Variants in NCOA6 observed in about 807,000 individuals in gnomAD.
NCOA6 encodes nuclear receptor coactivator 6.
A neutral mutation model predicts 171.4 loss-of-function variants in NCOA6; 49 were observed. The ratio of observed to expected loss-of-function variants is 0.29; its 90% CI spans 0.23 to 0.36. NCOA6 has a LOEUF of 0.36. Ranked by LOEUF, NCOA6 falls within the 10% of genes least tolerant of loss-of-function variation. The pLI, the probability that NCOA6 is intolerant of heterozygous loss-of-function variation, is 1.00. For synonymous variants in NCOA6, 910 were observed against 927.5 expected (o/e 0.98, Z 0.34); for missense variants, 2,248 against 2,554.5 (o/e 0.88, Z 2.59).
intron 2 of NCOA6, among the ~76,000 whole-genome samples, chr20:34,791,879 G>A (rs887520932): frequency 1.3e-5 from 2 of 152,130 alleles, no homozygotes; most frequent in African/African-American, 2.4e-5. Flanking sequence ...CTTCTCATGG[G>A]CTTATGAAGC....
intron 1 of NCOA6, among the ~76,000 whole-genome samples, chr20:34,808,162 A>G (rs1444136169): frequency 6.6e-6 from 1 of 151,724 alleles, no homozygotes; most frequent in Non-Finnish European, 1.5e-5. Context: ...AAGAAAAAAA[A>G]AAAAGAAACA....
rs1469853660 is a variant in NCOA6 at position 34,736,537 on chromosome 20, G to A, written c.5962+153C>T. Among the ~76,000 whole-genome samples the A allele has an allele frequency of 2.6e-5, 4 of 152,202 alleles. No homozygotes were observed. The East Asian group carries it at 7.7e-4, about 29-fold the overall frequency. ...AATAATCTCAAGTAGAACTGCACAA[G>A]CTTTGTCACTCAACCAAAGTCTGCT... is the stretch of plus-strand genomic sequence containing the variant. On this transcript the variant is annotated intron_variant, in intron 12 of 14. Transcript: ENST00000359003.
At chr20:34,806,933 G>A (rs1389417715) in intron 1 of NCOA6, among the ~76,000 whole-genome samples, 2 of 152,168 alleles carry the variant, frequency 1.3e-5, no homozygotes, top group Non-Finnish European at 2.9e-5. Context: ...TTTTTCTAAA[G>A]AAGTCTGTGG....
chr20:34,758,073 A>G lies in NCOA6; in HGVS notation c.675T>C (p.His225=), dbSNP rs143765973. ...DAMDPLLSGL[H]IQQQSHPSGS... is the part of the protein sequence containing the mutation. ...CTGAGGGATGACTTTGCTGCTGTAT[A>G]TGGAGCCCAGAGAGGAGTGGATCCA... The change falls in exon 7 of 15, where the codon CAT becomes CAC. Residue 225 remains histidine (H), a synonymous_variant. Coordinates refer to ENST00000359003, the MANE Select transcript of NCOA6 (RefSeq NM_014071.5). 571 of 1,613,428 alleles carry G rather than the reference A, an allele frequency of 3.5e-4. 2 individuals carry two copies. Among genetic ancestry groups the G allele is most frequent in the Non-Finnish European group, 5.5e-5 (65 of 1,179,528 alleles).
chr20:34,780,900 C>G (rs956220379), intron 3 of NCOA6, among the ~76,000 whole-genome samples: 1 of 152,026 alleles, frequency 6.6e-6, no homozygotes, highest in African/African-American at 2.4e-5. Context: ...GTGATCCACC[C>G]AACTCAATCT....
intron 2 of NCOA6, among the ~76,000 whole-genome samples, chr20:34,790,645 A>G (rs4911444): frequency 0.5 from 75,187 of 150,474 alleles, 19,129 homozygotes; most frequent in East Asian, 0.63. Flanking sequence ...GTGAGCCACC[A>G]CGCCTGGCCT....
intron 5 of NCOA6, among the ~76,000 whole-genome samples, chr20:34,764,874 G>A (rs559162523): frequency 6.6e-6 from 1 of 151,988 alleles, no homozygotes; most frequent in Admixed American, 6.6e-5. Flanking sequence ...AGCACTTTGT[G>A]AGGCCCAGGT....
Position 34,742,864 on chromosome 20 carries a change from G to A in NCOA6, c.3392C>T (p.Ser1131Leu), listed in dbSNP as rs376176456. The change falls in exon 11 of 15, where the codon TCA becomes TTA. Residue 1131 changes from serine to leucine, a missense_variant. Physicochemically the swap from Ser to Leu is moderately radical, Grantham distance 145. Transcript: ENST00000359003. ...TTCACTGCCACTTGCTTCAGGGAGT[G>A]AGGCCATCTCCGCCAGTGGCGAGCT... ...PSSSPLAEMA[S>L]LPEASGSEAP... The A allele has an allele frequency of 1.9e-6, 3 of 1,614,106 alleles. No homozygotes were observed. The highest frequency in any genetic ancestry group is 2.2e-5 in the East Asian group (1 of 44,902).
At chr20:34,736,032 TAG>T (rs2075947198) in intron 12 of NCOA6, among the ~76,000 whole-genome samples, 1 of 152,064 alleles carries the variant, frequency 6.6e-6, no homozygotes, top group Non-Finnish European at 1.5e-5. Context: ...TCTGCCTCCA[TAG>T]TCTATAAAGG....
intron 1 of NCOA6, among the ~76,000 whole-genome samples, chr20:34,811,151 T>C (rs1474968819): frequency 2.3e-5 from 3 of 132,376 alleles, no homozygotes; most frequent in Admixed American, 8.1e-5. Context: ...TCAGGTTCCT[T>C]CCAGGTTTAA....
At chr20:34,818,833 A>G (rs2078920548) in intron 1 of NCOA6, among the ~76,000 whole-genome samples, 1 of 152,218 alleles carries the variant, frequency 6.6e-6, no homozygotes, top group Non-Finnish European at 1.5e-5. Flanking sequence ...GTTTGAGAAA[A>G]TAATACCTAT....
chr20:34,767,070 A>C (rs1173172903), intron 5 of NCOA6, among the ~76,000 whole-genome samples: 4 of 152,154 alleles, frequency 2.6e-5, no homozygotes, highest in Non-Finnish European at 5.9e-5. Context: ...TATTTTCCTA[A>C]GTCCTAACAA....
intron 12 of NCOA6, among the ~76,000 whole-genome samples, chr20:34,734,553 C>T (rs2075891326): frequency 6.6e-6 from 1 of 151,996 alleles, no homozygotes. Flanking sequence ...ACTATGTTGC[C>T]CAAGGTAGTC....
chr20:34,750,022 T>C lies in NCOA6; in HGVS notation c.2173A>G (p.Lys725Glu). The C allele has an allele frequency of 1.2e-6, 2 of 1,614,246 alleles. No individual in the cohort carries two copies. The highest frequency in any genetic ancestry group is 1.7e-6 in the Non-Finnish European group (2 of 1,180,048). The stretch of plus-strand genomic sequence containing the variant: ...TGGTTCTGAGTGTTAAACTGCTGCT[T>C]ATTCCCCTGCATTTGATTGGTCATA... The part of the protein sequence containing the change: ...QIMTNQMQGN[K>E]QQFNTQNQSN... The change falls in exon 9 of 15, where the codon AAG (lysine) becomes GAG (glutamate). Residue 725 changes from lysine (K) to glutamate (E), a missense_variant. Lys to Glu is a moderately conservative substitution (Grantham distance 56, BLOSUM62 1). Coordinates refer to ENST00000359003, the MANE Select transcript of NCOA6 (RefSeq NM_014071.5).
intron 1 of NCOA6, among the ~76,000 whole-genome samples, chr20:34,804,784 C>T (rs1487662091): frequency 3.3e-5 from 5 of 151,902 alleles, no homozygotes; most frequent in Admixed American, 6.6e-5. Flanking sequence ...GTGTAATAAT[C>T]AAATCAGAGT....
intron 1 of NCOA6, among the ~76,000 whole-genome samples, chr20:34,797,562 A>G (rs2078116766): frequency 6.6e-6 from 1 of 151,920 alleles, no homozygotes; most frequent in Admixed American, 6.6e-5. Context: ...TGGTGGCTAC[A>G]GGGAGAGACT....
intron 4 of NCOA6, among the ~76,000 whole-genome samples, chr20:34,769,689 AT>A (rs938110908): frequency 6.6e-6 from 1 of 151,994 alleles, no homozygotes. Context: ...ATTTTACCTT[AT>A]TTGAGCTTCA....
chr20:34,804,796 A>C (rs1391790509), intron 1 of NCOA6, among the ~76,000 whole-genome samples: 1 of 152,154 alleles, frequency 6.6e-6, no homozygotes, highest in Non-Finnish European at 1.5e-5. Flanking sequence ...AATCAGAGTA[A>C]TTAATTAGCA....
At chr20:34,730,756 A>C (rs6060020) in intron 13 of NCOA6, among the ~76,000 whole-genome samples, 160 of 132,896 alleles carry the variant, frequency 1.2e-3, no homozygotes, top group African/African-American at 2.8e-3. Flanking sequence ...TCTGTTGCTC[A>C]TGTTGGAGTG....
Sources: gnomAD v4.1 joint callset for allele counts (sites outside exome capture counted in the v4.1 genomes callset) on GRCh38, gnomAD v4.1.1 for gene constraint, MANE v1.5 for transcripts, NCBI Gene and HGNC (gene_info 2026-07-23, HGNC 2026-07-21) for gene names.